Variants in GNA14 observed in about 807,000 individuals in gnomAD.
GNA14 encodes the protein G protein subunit alpha 14.
GNA14 carries 50 observed loss-of-function variants against 42.0 expected under a neutral mutation model. The observed-to-expected ratio is 1.19, with a 90% confidence interval of 0.95 to 1.51. GNA14 has a LOEUF of 1.51. Ranked by LOEUF, GNA14 falls within the 40% of genes most tolerant of loss-of-function variation. The pLI, the probability that GNA14 is intolerant of heterozygous loss-of-function variation, is 0.00. For missense variants in GNA14, 473 were observed against 446.2 expected, an observed-to-expected ratio of 1.06 and a Z score of -0.54; for synonymous variants, 173 against 163.1, an observed-to-expected ratio of 1.06 and a Z score of -0.46.
intron 3 of GNA14, among the ~76,000 whole-genome samples, chr9:77,431,878 A>G (rs1835561456): frequency 1.3e-5 from 2 of 152,162 alleles, no homozygotes; most frequent in African/African-American, 4.8e-5. Context: ...GCTGTTCTCT[A>G]AAGCTTTGCT....
chr9:77,475,146 C>T (rs1002568555), intron 2 of GNA14, among the ~76,000 whole-genome samples: 7 of 151,998 alleles, frequency 4.6e-5, no homozygotes, highest in African/African-American at 1.7e-4. Context: ...TATATTGCTT[C>T]CGTCACTCAG....
intron 1 of GNA14, among the ~76,000 whole-genome samples, chr9:77,639,925 G>A (rs1010969044): frequency 5.3e-5 from 8 of 152,212 alleles, no homozygotes; most frequent in Admixed American, 2.6e-4. Context: ...TCCAACTTTA[G>A]AGCCCTTGGA....
intron 2 of GNA14, among the ~76,000 whole-genome samples, chr9:77,502,546 G>C (rs1176441958): frequency 6.6e-6 from 1 of 152,156 alleles, no homozygotes. Flanking sequence ...AGAGGTAGGA[G>C]AGCCTCATTG....
rs750659857 is a variant in GNA14 at position 77,434,514 on chromosome 9, G to T, written c.318C>A (p.Ala106=). The change falls in exon 3 of 7, where the codon GCC becomes GCA. Residue 106 remains alanine (A), a synonymous_variant. Transcript: ENST00000341700. ...CCACTTCCACTTCTCTGATTATCTG[G>T]GCATTTTCCTACTCAAAGGAAAGAG... ...QYVCEQNKEN[A]QIIREVEVDK... 1.2e-6 allele frequency: 2 copies of T among 1,612,766 alleles called. No individual in the cohort carries two copies. Among genetic ancestry groups the T allele is most frequent in the South Asian group, 2.2e-5 (2 of 90,832 alleles).
intron 2 of GNA14, among the ~76,000 whole-genome samples, chr9:77,528,550 C>T (rs898547967): frequency 6.6e-6 from 1 of 152,100 alleles, no homozygotes; most frequent in Non-Finnish European, 1.5e-5. Flanking sequence ...TTTATGGGAG[C>T]ACATTGCTGG....
At chr9:77,620,112 A>G (rs780193356) in intron 1 of GNA14, among the ~76,000 whole-genome samples, 7 of 152,192 alleles carry the variant, frequency 4.6e-5, no homozygotes, top group Non-Finnish European at 1.0e-4. Context: ...GCACACACAC[A>G]CACACAGAGT....
chr9:77,641,531 G>T (rs368931533), intron 1 of GNA14, among the ~76,000 whole-genome samples: 12 of 151,054 alleles, frequency 7.9e-5, no homozygotes, highest in African/African-American at 2.9e-4. Context: ...ATCGCTAATC[G>T]TAAGAAAATC....
intron 1 of GNA14, among the ~76,000 whole-genome samples, chr9:77,557,100 A>C (rs1192184033): frequency 6.6e-6 from 1 of 152,184 alleles, no homozygotes; most frequent in Non-Finnish European, 1.5e-5. Context: ...AATAAGAACA[A>C]ACCCGGGGGT....
chr9:77,601,043 G>A (rs1003945129), intron 1 of GNA14, among the ~76,000 whole-genome samples: 2 of 152,242 alleles, frequency 1.3e-5, no homozygotes, highest in Non-Finnish European at 2.9e-5. Context: ...AGAAGGTGGA[G>A]CTACGGGAAG....
At chr9:77,500,184 G>A (rs1027937084) in intron 2 of GNA14, among the ~76,000 whole-genome samples, 6 of 152,002 alleles carry the variant, frequency 3.9e-5, no homozygotes, top group African/African-American at 1.4e-4. Context: ...CACCACTCCT[G>A]GCTACTTTTT....
chr9:77,496,764 T>G (rs993332174), intron 2 of GNA14, among the ~76,000 whole-genome samples: 1 of 152,210 alleles, frequency 6.6e-6, no homozygotes, highest in African/African-American at 2.4e-5. Context: ...TCAAGGTTAT[T>G]GAAAATCAGT....
chr9:77,480,964 G>C (rs1188697892), intron 2 of GNA14, among the ~76,000 whole-genome samples: 3 of 151,858 alleles, frequency 2.0e-5, no homozygotes, highest in African/African-American at 7.3e-5. Flanking sequence ...TCTTGCTAGT[G>C]GTCTATCAAT....
chr9:77,470,839 G>A (rs1836317397), intron 2 of GNA14, among the ~76,000 whole-genome samples: 1 of 152,152 alleles, frequency 6.6e-6, no homozygotes, highest in African/African-American at 2.4e-5. Flanking sequence ...GGCAGCAGGA[G>A]AGAAAGAGAG....
At chr9:77,557,055 T>C (rs570039552) in intron 1 of GNA14, among the ~76,000 whole-genome samples, 2 of 152,342 alleles carry the variant, frequency 1.3e-5, no homozygotes, top group African/African-American at 4.8e-5. Flanking sequence ...AATGACCTTC[T>C]TGCAGCCCTT....
At chr9:77,631,124 T>A (rs1267448501) in intron 1 of GNA14, among the ~76,000 whole-genome samples, 2 of 152,222 alleles carry the variant, frequency 1.3e-5, no homozygotes, top group Non-Finnish European at 2.9e-5. Context: ...GACACCTTCA[T>A]GGTCTCAGAG....
chr9:77,508,272 T>TA (rs369729582), intron 2 of GNA14, among the ~76,000 whole-genome samples: 4 of 152,146 alleles, frequency 2.6e-5, no homozygotes, highest in African/African-American at 9.7e-5. Flanking sequence ...TCCTTTCATT[T>TA]AAAAAAATGA....
chr9:77,490,705 C>T (rs1185055257), intron 2 of GNA14, among the ~76,000 whole-genome samples: 2 of 152,230 alleles, frequency 1.3e-5, no homozygotes, highest in South Asian at 2.1e-4. Flanking sequence ...CACGCCCACC[C>T]GGAACCCCAG....
At chr9:77,479,338 T>A (rs1055378463) in intron 2 of GNA14, among the ~76,000 whole-genome samples, 6 of 152,212 alleles carry the variant, frequency 3.9e-5, no homozygotes, top group Non-Finnish European at 8.8e-5. Flanking sequence ...GTTGTAGATA[T>A]GCGGCATTAT....
chr9:77,617,740 C>T (rs150051482), intron 1 of GNA14, among the ~76,000 whole-genome samples: 4 of 152,176 alleles, frequency 2.6e-5, no homozygotes, highest in East Asian at 3.9e-4. Flanking sequence ...AAACACAATG[C>T]GTTCCTGTTC....
Sources: allele counts gnomAD v4.1 joint callset (sites outside exome capture counted in the v4.1 genomes callset), GRCh38; gene constraint gnomAD v4.1.1; transcripts MANE v1.5; gene names NCBI Gene and HGNC (gene_info 2026-07-23, HGNC 2026-07-21).